RBMS1: variants seen among roughly 807,000 people sequenced by gnomAD.
The protein encoded by RBMS1 is RNA binding motif single stranded interacting protein 1.
RBMS1 carries 17 observed loss-of-function variants against 62.3 expected under a neutral mutation model. That is an observed-to-expected ratio of 0.27 (90% confidence interval 0.19 to 0.41). RBMS1 has a LOEUF of 0.41. RBMS1 is among the 10% of genes least tolerant of loss of function. The probability of loss-of-function intolerance (pLI) is 1.00; values close to 1 mark genes in which losing one functional copy is unlikely to be tolerated. For missense variants in RBMS1, 334 were observed against 504.5 expected (o/e 0.66, Z 3.24); for synonymous variants, 172 against 170.0 (o/e 1.01, Z -0.09).
intron 1 of RBMS1, among the ~76,000 whole-genome samples, chr2:160,371,436 T>G (rs1274927954): frequency 6.6e-6 from 1 of 152,156 alleles, no homozygotes; most frequent in Non-Finnish European, 1.5e-5. Context: ...AAGTGCCCAC[T>G]CATCCCAAAA....
chr2:160,322,917 G>A (rs927739069), intron 2 of RBMS1, among the ~76,000 whole-genome samples: 1 of 152,218 alleles, frequency 6.6e-6, no homozygotes, highest in East Asian at 1.9e-4. Flanking sequence ...ATATGAGGAG[G>A]AGCCATATAT....
intron 2 of RBMS1, among the ~76,000 whole-genome samples, chr2:160,332,287 C>T (rs1207815865): frequency 6.6e-6 from 1 of 152,178 alleles, no homozygotes; most frequent in African/African-American, 2.4e-5. Context: ...AAAAGAATAG[C>T]GGCAAAGATA....
intron 9 of RBMS1, 48 bp downstream of exon 9, chr2:160,284,727 C>T: frequency 7.5e-7 from 1 of 1,334,862 alleles, no homozygotes; most frequent in Non-Finnish European, 1.1e-6. Flanking sequence ...AGCAGAGATT[C>T]ATGGTCCGCA....
At chr2:160,372,575 T>TC (rs777914472) in intron 1 of RBMS1, among the ~76,000 whole-genome samples, 2 of 152,238 alleles carry the variant, frequency 1.3e-5, no homozygotes, top group Admixed American at 6.5e-5. Context: ...ATACACCAGT[T>TC]CCTCTCTGTA....
chr2:160,449,092 G>C (rs1044330269), intron 1 of RBMS1, among the ~76,000 whole-genome samples: 8 of 150,804 alleles, frequency 5.3e-5, no homozygotes, highest in Non-Finnish European at 7.4e-5. Flanking sequence ...GAGCCCCTCC[G>C]CCCGGCAGCC....
At chr2:160,284,133 A>G (rs1688241509) in intron 9 of RBMS1, 1 of 152,626 alleles carries the variant, frequency 6.6e-6, no homozygotes, top group African/African-American at 2.4e-5. Flanking sequence ...ATGCATGTAC[A>G]CTACTGGGTT....
chr2:160,284,805 G>C lies in RBMS1; in HGVS notation c.870C>G (p.Pro290=). The C allele has an allele frequency of 6.2e-7, 1 of 1,608,050 alleles. No individual in the cohort carries two copies. Among genetic ancestry groups the C allele is most frequent in the Non-Finnish European group, 8.5e-7 (1 of 1,174,534 alleles). ...NRMITQTSIT[P]YIASPVSAYQ... The stretch of plus-strand genomic sequence containing the variant: ...AGGCAGATACAGGAGATGCAATATA[G>C]GGTGTAATAGAAGTTTGAGTGATCA... Residue 290 remains proline, a synonymous_variant, in exon 9 of 14, where the codon CCC becomes CCG. Transcript: ENST00000348849.
intron 1 of RBMS1, among the ~76,000 whole-genome samples, chr2:160,456,827 C>T (rs1292592598): frequency 6.6e-6 from 1 of 152,124 alleles, no homozygotes; most frequent in African/African-American, 2.4e-5. Flanking sequence ...CACCCACTGC[C>T]GGCTGAATTC....
At chr2:160,276,046 A>G (rs926984814) in intron 12 of RBMS1, among the ~76,000 whole-genome samples, 1 of 152,168 alleles carries the variant, frequency 6.6e-6, no homozygotes, top group Admixed American at 6.5e-5. Flanking sequence ...TGTGGTATGC[A>G]TATGCTGTAT....
intron 6 of RBMS1, among the ~76,000 whole-genome samples, chr2:160,288,247 C>G (rs1688506068): frequency 6.6e-6 from 1 of 152,130 alleles, no homozygotes; most frequent in Admixed American, 6.6e-5. Flanking sequence ...ATGATTACTA[C>G]TTTCAAGTTC....
intron 7 of RBMS1, among the ~76,000 whole-genome samples, chr2:160,286,237 T>C (rs1245701225): frequency 2.0e-5 from 3 of 148,164 alleles, no homozygotes; most frequent in African/African-American, 7.4e-5. Context: ...GAGTTCAAGG[T>C]TGTGGTAGGC....
chr2:160,318,053 A>G, intron 3 of RBMS1, 116 bp downstream of exon 3: 1 of 1,426,580 alleles, frequency 7.0e-7, no homozygotes, highest in African/African-American at 1.4e-5. Context: ...ACTGGGTGAT[A>G]TATAAGATCT....
At chr2:160,317,898 G>A (rs1231763157) in intron 3 of RBMS1, among the ~76,000 whole-genome samples, 4 of 152,044 alleles carry the variant, frequency 2.6e-5, no homozygotes, top group African/African-American at 9.7e-5. Flanking sequence ...AAAAGCAAGG[G>A]CTAAATGCCA....
chr2:160,313,420 C>T (rs909516623), intron 3 of RBMS1, among the ~76,000 whole-genome samples, 173 bp from the exon 4 acceptor site: 54 of 152,238 alleles, frequency 3.5e-4, no homozygotes, highest in Middle Eastern at 3.4e-3. Context: ...TCTTCCCTGT[C>T]GTCTATCACC....
intron 6 of RBMS1, among the ~76,000 whole-genome samples, chr2:160,300,249 GAAAGTGGCT>G (rs893659145): frequency 6.6e-6 from 1 of 152,212 alleles, no homozygotes; most frequent in African/African-American, 2.4e-5. Context: ...AACCATGGGA[GAAAGTGGCT>G]AAAGTGGAGT....
intron 2 of RBMS1, among the ~76,000 whole-genome samples, chr2:160,361,760 G>A (rs996149082): frequency 6.6e-6 from 1 of 152,208 alleles, no homozygotes; most frequent in Non-Finnish European, 1.5e-5. Context: ...CAAGGCTGCA[G>A]TGCACTACAA....
chr2:160,456,658 T>C (rs1684245800), intron 1 of RBMS1, among the ~76,000 whole-genome samples: 1 of 152,220 alleles, frequency 6.6e-6, no homozygotes, highest in African/African-American at 2.4e-5. Flanking sequence ...GTAAGGATGA[T>C]TTGTTCCTTC....
rs1682606576 is a variant in RBMS1 at position 160,426,297 on chromosome 2, A to AG, written c.76-58907dup. Among the ~76,000 whole-genome samples, 15 of 56,170 alleles carry AG rather than the reference A, an allele frequency of 2.7e-4. No individual in the cohort carries two copies. The East Asian group carries it at 7.1e-3, about 27-fold the overall frequency. The allele number at this position is 56,170 out of a possible 152,430, so 36.8% of individuals were successfully genotyped here. A position where few individuals can be genotyped will look rare whatever the true frequency, so the allele number is the denominator to read the frequency against. On this transcript the variant is annotated intron_variant, in intron 1 of 13. Transcript: ENST00000348849. ...AGAAAGAAAGAAAGAAAGAAAAGAA[A>AG]GAAGGAAGGAAGGAAGGAAGGAAGG...
At chr2:160,310,368 T>A (rs1689782185) in intron 4 of RBMS1, among the ~76,000 whole-genome samples, 2 of 152,192 alleles carry the variant, frequency 1.3e-5, no homozygotes, top group South Asian at 2.1e-4. Context: ...AAGACACACA[T>A]CCCTTATGTT....
Sources: allele counts gnomAD v4.1 joint callset (sites outside exome capture counted in the v4.1 genomes callset), GRCh38; gene constraint gnomAD v4.1.1; transcripts MANE v1.5; gene names NCBI Gene and HGNC (gene_info 2026-07-23, HGNC 2026-07-21).